The following NBAS variants were observed in gnomAD, a reference collection of about 807,000 sequenced individuals.
The protein encoded by NBAS is NAG/BC035112 fusion.
Under a neutral mutation model 302.5 loss-of-function variants are expected in NBAS, and 219 were observed. That is an observed-to-expected ratio of 0.72 (90% confidence interval 0.65 to 0.81). The LOEUF (loss-of-function observed/expected upper bound fraction) is 0.81, where lower values mean the gene tolerates loss of function less well. Among genes scored for constraint, NBAS ranks in the 30% least tolerant of loss-of-function variants. The pLI, the probability that NBAS is intolerant of heterozygous loss-of-function variation, is 0.00. For missense variants in NBAS, 2,932 were observed against 2,841.6 expected, an observed-to-expected ratio of 1.03 and a Z score of -0.72; for synonymous variants, 1,118 against 1,021.6, an observed-to-expected ratio of 1.09 and a Z score of -1.80.
At chr2:15,006,520 A>T in the NBAS span, among the ~76,000 whole-genome samples, 4 of 152,198 alleles carry the variant, frequency 2.6e-5, no homozygotes, top group African/African-American at 9.6e-5. Flanking sequence ...TATGATTACA[A>T]CTATGCTTTA....
In NBAS at chr2:15,275,818, C is replaced by T. The variant is rs1352865931; in HGVS notation, c.5390G>A (p.Gly1797Asp). ...ATCTGTCAGCTTTTTGTAATTAAGA[C>T]CTAGCAGAAAAAAAAAGAAAGTAGG... ...LLKKFKVVAS[G>D]LNYKKLTDEN... is the part of the protein sequence containing the mutation. The change falls in exon 44 of 52, where the codon GGT (glycine) becomes GAT (aspartate). Residue 1797 changes from glycine to aspartate, a missense_variant and splice_region_variant. Transcript: ENST00000281513. 6.2e-7 allele frequency: 1 copy of T among 1,611,774 alleles called. No homozygotes were observed. The highest frequency in any genetic ancestry group is 1.7e-4 in the Middle Eastern group (1 of 6,060).
intron 28 of NBAS, 69 bp from the exon 29 acceptor site, chr2:15,383,386 T>C (rs1675139207): frequency 1.3e-6 from 2 of 1,501,692 alleles, no homozygotes; most frequent in Admixed American, 3.4e-5. Flanking sequence ...CTTCAAATGA[T>C]CTAAAGTTAA....
chr2:15,319,201 G>A (rs1210096931), intron 38 of NBAS, among the ~76,000 whole-genome samples: 1 of 152,154 alleles, frequency 6.6e-6, no homozygotes, highest in Admixed American at 6.5e-5. Context: ...TGAAACCAGT[G>A]AGAACAAAGA....
chr2:14,816,801 A>T, the NBAS span, among the ~76,000 whole-genome samples: 5 of 152,312 alleles, frequency 3.3e-5, no homozygotes, highest in Middle Eastern at 3.4e-3. Context: ...ATTTATTCCC[A>T]GAGATAATAA....
At chr2:15,082,076 A>G in the NBAS span, among the ~76,000 whole-genome samples, 13 of 152,186 alleles carry the variant, frequency 8.5e-5, no homozygotes, top group African/African-American at 3.1e-4. Context: ...GCTCCCCAAC[A>G]AAAATGTGTG....
the NBAS span, among the ~76,000 whole-genome samples, chr2:14,900,122 T>C: frequency 6.6e-6 from 1 of 151,914 alleles, no homozygotes; most frequent in South Asian, 2.1e-4. Flanking sequence ...CTTTTTTTTT[T>C]TTTTGACTGG....
At chr2:15,377,760 C>T (rs577568528) in intron 30 of NBAS, among the ~76,000 whole-genome samples, 2 of 152,300 alleles carry the variant, frequency 1.3e-5, no homozygotes, top group South Asian at 4.1e-4. Flanking sequence ...TATGAAAATG[C>T]TGCAGATCTG....
At chr2:15,152,065 GT>G in the NBAS span, among the ~76,000 whole-genome samples, 4 of 152,094 alleles carry the variant, frequency 2.6e-5, no homozygotes, top group African/African-American at 9.7e-5. Flanking sequence ...GGCCAGGCTG[GT>G]TTTGAACTCC....
the NBAS span, among the ~76,000 whole-genome samples, chr2:15,001,933 G>A: frequency 6.6e-6 from 1 of 152,166 alleles, no homozygotes; most frequent in Non-Finnish European, 1.5e-5. Flanking sequence ...ACCCCAGGGG[G>A]TTGCCACTGC....
the NBAS span, among the ~76,000 whole-genome samples, chr2:15,150,820 C>T: frequency 6.6e-6 from 1 of 152,184 alleles, no homozygotes; most frequent in African/African-American, 2.4e-5. Flanking sequence ...CGCTCTGTGA[C>T]AAATTTCACT....
the NBAS span, among the ~76,000 whole-genome samples, chr2:15,143,826 T>C: frequency 6.6e-6 from 1 of 151,706 alleles, no homozygotes; most frequent in Non-Finnish European, 1.5e-5. Flanking sequence ...ATGGCTAGAA[T>C]ATATGCAGGC....
chr2:14,838,111 TCA>T, the NBAS span, among the ~76,000 whole-genome samples: 1 of 151,952 alleles, frequency 6.6e-6, no homozygotes, highest in Non-Finnish European at 1.5e-5. Context: ...TTTGAATCTG[TCA>T]CCTGATAACG....
At chr2:14,794,920 T>C in the NBAS span, among the ~76,000 whole-genome samples, 1 of 152,244 alleles carries the variant, frequency 6.6e-6, no homozygotes, top group East Asian at 1.9e-4. Context: ...TATGTTGTTG[T>C]ATGTATTGGC....
the NBAS span, among the ~76,000 whole-genome samples, chr2:15,022,181 C>T: frequency 1.3e-5 from 2 of 152,110 alleles, no homozygotes; most frequent in African/African-American, 2.4e-5. Flanking sequence ...CAGCCCAACG[C>T]CCACCTTAAG....
At chr2:15,371,146 G>A (rs13019322) in intron 31 of NBAS, among the ~76,000 whole-genome samples, 94,970 of 151,910 alleles carry the variant, frequency 0.63, 30,432 homozygotes, top group Middle Eastern at 0.68. Context: ...GTTTAAAAGC[G>A]CGGCACTTCC....
At chr2:14,865,690 T>C in the NBAS span, among the ~76,000 whole-genome samples, 1 of 152,224 alleles carries the variant, frequency 6.6e-6, no homozygotes, top group Non-Finnish European at 1.5e-5. Flanking sequence ...AAGCATCTTA[T>C]AATTATGTAC....
At chr2:15,184,637 A>C (rs758141645) in intron 50 of NBAS, among the ~76,000 whole-genome samples, 1 of 152,216 alleles carries the variant, frequency 6.6e-6, no homozygotes, top group Non-Finnish European at 1.5e-5. Context: ...CTGTAAATAC[A>C]GATGAAGCTT....
At chr2:14,886,401 G>A in the NBAS span, among the ~76,000 whole-genome samples, 1,059 of 152,166 alleles carry the variant, frequency 7.0e-3, 15 homozygotes, top group African/African-American at 0.025. Flanking sequence ...CATCTCCTGC[G>A]TGAAGCCTTC....
At chr2:15,104,055 G>A in the NBAS span, among the ~76,000 whole-genome samples, 2 of 152,136 alleles carry the variant, frequency 1.3e-5, no homozygotes, top group South Asian at 4.1e-4. Flanking sequence ...ATCCCCATGT[G>A]TCAAGGGTGG....
Sources: allele counts gnomAD v4.1 joint callset (sites outside exome capture counted in the v4.1 genomes callset), GRCh38; gene constraint gnomAD v4.1.1; transcripts MANE v1.5; gene names NCBI Gene and HGNC (gene_info 2026-07-23, HGNC 2026-07-21).